Variants in ITGA9 observed in about 807,000 individuals in gnomAD.
ITGA9 encodes the protein integrin alpha-9.
Under a neutral mutation model 127.8 loss-of-function variants are expected in ITGA9, and 56 were observed. The ratio of observed to expected loss-of-function variants is 0.44; its 90% CI spans 0.35 to 0.55. The LOEUF is 0.55. Ranked by LOEUF, ITGA9 falls within the 20% of genes least tolerant of loss-of-function variation. The pLI is 0.00. For missense variants in ITGA9, 1,196 were observed against 1,347.1 expected (o/e 0.89, Z 1.76); for synonymous variants, 508 against 514.5 (o/e 0.99, Z 0.17).
At chr3:37,736,592 G>A (rs182405973) in intron 19 of ITGA9, among the ~76,000 whole-genome samples, 1 of 152,346 alleles carries the variant, frequency 6.6e-6, no homozygotes, top group East Asian at 1.9e-4. Context: ...GTAATTTGCA[G>A]ATGTGGCAGA....
intron 23 of ITGA9, among the ~76,000 whole-genome samples, chr3:37,773,740 G>A (rs1189612897): frequency 6.6e-6 from 1 of 152,040 alleles, no homozygotes; most frequent in Non-Finnish European, 1.5e-5. Flanking sequence ...GGTAGTTACT[G>A]GGTGACATAA....
intron 11 of ITGA9, 64 bp downstream of exon 11, chr3:37,519,418 C>A: frequency 8.0e-7 from 1 of 1,257,582 alleles, no homozygotes; most frequent in Non-Finnish European, 1.2e-6. Context: ...TGTATGGAAC[C>A]TTCATTATGC....
intron 17 of ITGA9, among the ~76,000 whole-genome samples, chr3:37,657,508 T>C (rs1700490102): frequency 6.6e-6 from 1 of 152,152 alleles, no homozygotes; most frequent in South Asian, 2.1e-4. Context: ...CTGATGGTAG[T>C]TTGTATTTCT....
chr3:37,650,729 C>A (rs529440821), intron 16 of ITGA9, among the ~76,000 whole-genome samples: 2 of 152,236 alleles, frequency 1.3e-5, no homozygotes, highest in Admixed American at 1.3e-4. Flanking sequence ...CCATGCCTGG[C>A]CCCACCATCC....
chr3:37,606,750 C>T (rs938035056), intron 15 of ITGA9, among the ~76,000 whole-genome samples: 3 of 152,082 alleles, frequency 2.0e-5, no homozygotes, highest in Non-Finnish European at 4.4e-5. Flanking sequence ...ATCAGCCCCC[C>T]TCAATGACCA....
chr3:37,479,044 A>G (rs1375210190), intron 3 of ITGA9, among the ~76,000 whole-genome samples: 1 of 152,188 alleles, frequency 6.6e-6, no homozygotes, highest in African/African-American at 2.4e-5. Context: ...CAGAAATACA[A>G]TAAAACATGG....
chr3:37,750,538 G>C lies in ITGA9; in HGVS notation c.2510G>C (p.Gly837Ala). The change falls in exon 23 of 28, where the codon GGT (glycine) becomes GCT (alanine). Residue 837 changes from glycine to alanine, a missense_variant. Physicochemically the swap from Gly to Ala is moderately conservative, Grantham distance 60 (BLOSUM62 0). Transcript: ENST00000264741. ...ISFPNRLSSG[G>A]AEMFHVQEMV... ...TTCCCTAATCGACTCTCATCTGGTG[G>C]TGCAGAGATGTTTCATGTCCAGGAA... The C allele has an allele frequency of 6.2e-7, 1 of 1,613,134 alleles. No individual in the cohort carries two copies. The highest frequency in any genetic ancestry group is 8.5e-7 in the Non-Finnish European group (1 of 1,179,066).
chr3:37,515,706 A>G (rs1352820169), intron 9 of ITGA9, among the ~76,000 whole-genome samples: 1 of 152,164 alleles, frequency 6.6e-6, no homozygotes, highest in Non-Finnish European at 1.5e-5. Context: ...ACTGTACTCC[A>G]GCCTGGGTGA....
intron 4 of ITGA9, among the ~76,000 whole-genome samples, chr3:37,483,694 C>T (rs1333099632): frequency 6.6e-6 from 1 of 152,174 alleles, no homozygotes; most frequent in African/African-American, 2.4e-5. Flanking sequence ...GCTGGGAAAG[C>T]CTCCAGGACA....
intron 3 of ITGA9, among the ~76,000 whole-genome samples, chr3:37,475,808 A>G (rs772394640): frequency 5.9e-5 from 9 of 152,222 alleles, no homozygotes; most frequent in Middle Eastern, 3.2e-3. Context: ...TTGTTGTACA[A>G]CAAACCTTTA....
chr3:37,470,003 C>A (rs1698410945), intron 1 of ITGA9, among the ~76,000 whole-genome samples: 1 of 152,002 alleles, frequency 6.6e-6, no homozygotes, highest in Admixed American at 6.6e-5. Context: ...CACCATGTTG[C>A]CCAGACTGGT....
chr3:37,809,088 C>CT (rs1208683122), intron 27 of ITGA9, among the ~76,000 whole-genome samples: 7,000 of 133,440 alleles, frequency 0.052, 283 homozygotes, highest in South Asian at 0.1. Flanking sequence ...AAAATCTTTT[C>CT]TTTTTTTTTT....
At chr3:37,533,507 A>G (rs377328577) in intron 14 of ITGA9, 39 bp downstream of exon 14, 1 of 1,605,590 alleles carries the variant, frequency 6.2e-7, no homozygotes, top group African/African-American at 1.3e-5. Flanking sequence ...ATACCCGTTT[A>G]GCTGGAGTGG....
At chr3:37,642,963 C>T (rs889462158) in intron 16 of ITGA9, among the ~76,000 whole-genome samples, 4 of 152,206 alleles carry the variant, frequency 2.6e-5, no homozygotes, top group African/African-American at 9.7e-5. Context: ...CCATTATTTA[C>T]AGCTCTAAGG....
At chr3:37,632,474 G>A (rs1429531154) in intron 16 of ITGA9, among the ~76,000 whole-genome samples, 1 of 152,096 alleles carries the variant, frequency 6.6e-6, no homozygotes, top group Non-Finnish European at 1.5e-5. Flanking sequence ...ATATCTCCAA[G>A]TAATAAGAAT....
At chr3:37,719,650 G>A (rs897098868) in intron 18 of ITGA9, among the ~76,000 whole-genome samples, 10 of 152,080 alleles carry the variant, frequency 6.6e-5, no homozygotes, top group Admixed American at 6.5e-5. Flanking sequence ...TGCTGCACCC[G>A]AGTCAGGAGG....
chr3:37,790,118 G>T, intron 26 of ITGA9: 5 of 557,670 alleles, frequency 9.0e-6, no homozygotes, highest in South Asian at 7.1e-5. Context: ...TTGCCTTTGG[G>T]AATGCTCTTA....
At chr3:37,698,489 A>T (rs1700912182) in intron 18 of ITGA9, among the ~76,000 whole-genome samples, 1 of 152,164 alleles carries the variant, frequency 6.6e-6, no homozygotes, top group South Asian at 2.1e-4. Flanking sequence ...CTAAGTTTTT[A>T]ATCTATCTTG....
At chr3:37,616,794 AT>A (rs1249320791) in intron 15 of ITGA9, among the ~76,000 whole-genome samples, 1 of 151,620 alleles carries the variant, frequency 6.6e-6, no homozygotes, top group Non-Finnish European at 1.5e-5. Flanking sequence ...AACCCCTGCC[AT>A]TTTTTGTTTT....
Sources: gnomAD v4.1 joint callset for allele counts (sites outside exome capture counted in the v4.1 genomes callset) on GRCh38, gnomAD v4.1.1 for gene constraint, MANE v1.5 for transcripts, NCBI Gene and HGNC (gene_info 2026-07-23, HGNC 2026-07-21) for gene names.